Variants in TANGO6 observed in about 807,000 individuals in gnomAD.
TANGO6 encodes transport and Golgi organization protein 6 homolog.
Under a neutral mutation model 114.2 loss-of-function variants are expected in TANGO6, and 90 were observed. That is an observed-to-expected ratio of 0.79 (90% CI 0.66 to 0.94). The LOEUF (loss-of-function observed/expected upper bound fraction) is 0.94, where lower values mean the gene tolerates loss of function less well. TANGO6 is among the 40% of genes least tolerant of loss of function. The pLI is 0.00. For synonymous variants in TANGO6, 477 were observed against 509.8 expected, an observed-to-expected ratio of 0.94 and a Z score of 0.87; for missense variants, 1,274 against 1,315.3, an observed-to-expected ratio of 0.97 and a Z score of 0.49.
intron 9 of TANGO6, among the ~76,000 whole-genome samples, chr16:68,904,636 C>T (rs189647832): frequency 6.6e-6 from 1 of 152,156 alleles, no homozygotes; most frequent in East Asian, 1.9e-4. Flanking sequence ...AATTTTATGT[C>T]ATTGGTCACT....
At chr16:68,978,797 T>C (rs1465121661) in intron 15 of TANGO6, among the ~76,000 whole-genome samples, 1 of 151,994 alleles carries the variant, frequency 6.6e-6, no homozygotes, top group African/African-American at 2.4e-5. Flanking sequence ...ATCATGCTAG[T>C]TCCCTAGCCA....
chr16:68,851,539 T>C (rs180964245), intron 1 of TANGO6, among the ~76,000 whole-genome samples: 1 of 152,356 alleles, frequency 6.6e-6, no homozygotes, highest in Non-Finnish European at 1.5e-5. Flanking sequence ...CTTTTATAGC[T>C]GCATAGTTTA....
At chr16:69,064,088 C>T (rs906335537) in intron 17 of TANGO6, among the ~76,000 whole-genome samples, 1 of 151,950 alleles carries the variant, frequency 6.6e-6, no homozygotes, top group Non-Finnish European at 1.5e-5. Flanking sequence ...CTGCCCGCCT[C>T]GGCCTCCCAA....
intron 12 of TANGO6, among the ~76,000 whole-genome samples, chr16:68,926,621 G>A (rs1289523817): frequency 4.6e-5 from 7 of 151,688 alleles, no homozygotes; most frequent in South Asian, 4.2e-4. Flanking sequence ...TCTGCCTCCC[G>A]GGTTTAAGCG....
chr16:68,981,329 G>GC (rs1318818784), intron 15 of TANGO6, among the ~76,000 whole-genome samples: 1 of 145,028 alleles, frequency 6.9e-6, no homozygotes, highest in Non-Finnish European at 1.5e-5. Flanking sequence ...TCCTGCCTCA[G>GC]CCCCCTGAGT....
chr16:68,911,543 A>C (rs1267053424), intron 11 of TANGO6, among the ~76,000 whole-genome samples: 1 of 151,822 alleles, frequency 6.6e-6, no homozygotes, highest in East Asian at 1.9e-4. Context: ...CAGCCTCCCA[A>C]GTAGCTGGGA....
intron 2 of TANGO6, among the ~76,000 whole-genome samples, 175 bp downstream of exon 2, chr16:68,860,699 G>C (rs1283050427): frequency 2.0e-5 from 3 of 152,088 alleles, no homozygotes; most frequent in African/African-American, 4.8e-5. Flanking sequence ...CATTTATTGG[G>C]TTCTCGTCCT....
At chr16:69,074,557 A>G (rs561781718) in intron 17 of TANGO6, among the ~76,000 whole-genome samples, 2 of 152,304 alleles carry the variant, frequency 1.3e-5, no homozygotes, top group East Asian at 1.9e-4. Context: ...CTCAATTACT[A>G]TACTTTACAA....
chr16:68,853,304 G>A (rs1007598900), intron 1 of TANGO6, among the ~76,000 whole-genome samples: 1 of 149,156 alleles, frequency 6.7e-6, no homozygotes, highest in African/African-American at 2.5e-5. Context: ...ATATACTTTT[G>A]TCATTGAAAC....
At chr16:69,056,334 A>G (rs1017776327) in intron 17 of TANGO6, among the ~76,000 whole-genome samples, 3 of 152,300 alleles carry the variant, frequency 2.0e-5, no homozygotes, top group African/African-American at 7.2e-5. Context: ...AAAATGGCCA[A>G]AAGTTTCTCA....
intron 5 of TANGO6, among the ~76,000 whole-genome samples, chr16:68,875,923 G>T (rs566051494): frequency 6.6e-6 from 1 of 152,182 alleles, no homozygotes; most frequent in Non-Finnish European, 1.5e-5. Context: ...AAATAAACAA[G>T]GTAAATTAAC....
intron 17 of TANGO6, among the ~76,000 whole-genome samples, chr16:69,072,613 C>A (rs1224994979): frequency 6.6e-6 from 1 of 152,016 alleles, no homozygotes; most frequent in Non-Finnish European, 1.5e-5. Flanking sequence ...TGTGTGGGAT[C>A]CCTAGAGTCA....
Position 69,079,556 on chromosome 16 carries a change from A to G in TANGO6, c.3109-3929A>G, listed in dbSNP as rs1960436118. 4.6e-5 allele frequency among the ~76,000 whole-genome samples: 7 copies of G among 151,144 alleles called. No individual in the cohort carries two copies. In the South Asian group the frequency reaches 1.5e-3, roughly 32 times the overall value. ...ACTGGGAGAAAAATATTTGCAACTC[A>G]TATGACAGATAATGGACTTAAAAAA... On this transcript the variant is annotated intron_variant, in intron 17 of 17. Transcript: ENST00000261778.
rs995973898 is a variant in TANGO6 at position 68,907,314 on chromosome 16, A to G, written c.1668-129A>G. On this transcript the variant is annotated intron_variant, in intron 9 of 17. Coordinates refer to ENST00000261778, the MANE Select transcript of TANGO6 (RefSeq NM_024562.2). ...GGAGAAACAATAAAATAAGTTAAATAAATTTGGGGGATCTTTTTAATGGTT... is the reference window on the plus strand; with the variant it reads ...GGAGAAACAATAAAATAAGTTAAATGAATTTGGGGGATCTTTTTAATGGTT... The G allele has an allele frequency of 8.6e-6, 9 of 1,052,214 alleles. No homozygotes were observed. In the Admixed American group the frequency reaches 2.7e-4, roughly 32 times the overall value. 65.2% of individuals were successfully genotyped at this position (1,052,214 alleles called of 1,614,324 possible). A position where few individuals can be genotyped will look rare whatever the true frequency, so the allele number is the denominator to read the frequency against.
intron 15 of TANGO6, among the ~76,000 whole-genome samples, chr16:68,986,051 T>C (rs922745760): frequency 2.0e-5 from 3 of 152,188 alleles, no homozygotes; most frequent in African/African-American, 7.2e-5. Context: ...TTTGCTTCCC[T>C]GGAAGAGCAA....
rs1597002835 is a variant in TANGO6, at chr16:68,881,329, T to C, written c.1377+699T>C. Among the ~76,000 whole-genome samples, 5 of 151,840 alleles carry C rather than the reference T, an allele frequency of 3.3e-5. No individual in the cohort carries two copies. The South Asian group carries it at 1.0e-3, about 32-fold the overall frequency. ...CGGAGTTCAAGACCAGCCTGGCCAA[T>C]ATGGCGAAACCCTATCTCTACTAAA... is the stretch of plus-strand genomic sequence containing the variant. On this transcript the variant is annotated intron_variant, in intron 7 of 17. Transcript: ENST00000261778.
At chr16:69,074,908 C>T (rs757807610) in intron 17 of TANGO6, among the ~76,000 whole-genome samples, 21 of 151,288 alleles carry the variant, frequency 1.4e-4, no homozygotes, top group Non-Finnish European at 1.8e-4. Context: ...TGTGAGGTGG[C>T]GCCATTCTTG....
At chr16:68,863,734 A>G (rs1226769098) in intron 3 of TANGO6, among the ~76,000 whole-genome samples, 2 of 152,254 alleles carry the variant, frequency 1.3e-5, no homozygotes, top group African/African-American at 4.8e-5. Flanking sequence ...CTATCTGGAC[A>G]CTAATTCTTT....
intron 12 of TANGO6, among the ~76,000 whole-genome samples, chr16:68,921,884 A>C (rs1963098792): frequency 6.6e-6 from 1 of 151,930 alleles, no homozygotes; most frequent in African/African-American, 2.4e-5. Flanking sequence ...GAACATAAGC[A>C]CGTCACCCCC....
Sources: gnomAD v4.1 joint callset for allele counts (sites outside exome capture counted in the v4.1 genomes callset) on GRCh38, gnomAD v4.1.1 for gene constraint, MANE v1.5 for transcripts, NCBI Gene and HGNC (gene_info 2026-07-23, HGNC 2026-07-21) for gene names.